Variants in CEP85L observed in about 807,000 individuals in gnomAD.
CEP85L encodes the protein centrosomal protein of 85 kDa-like.
In CEP85L, 60 loss-of-function variants were observed where a neutral mutation model predicts 100.3. That is an observed-to-expected ratio of 0.60 (90% CI 0.49 to 0.74). The LOEUF is 0.74. Ranked by LOEUF, CEP85L falls within the 30% of genes least tolerant of loss-of-function variation. The pLI is 0.00. For synonymous variants in CEP85L, 319 were observed against 322.7 expected (o/e 0.99, Z 0.12); for missense variants, 973 against 936.2 (o/e 1.04, Z -0.51).
chr6:118,650,707 G>A (rs535295632), intron 1 of CEP85L, among the ~76,000 whole-genome samples: 2 of 152,300 alleles, frequency 1.3e-5, no homozygotes, highest in East Asian at 3.9e-4. Flanking sequence ...GGCTGCGGGC[G>A]TGGGCACAGC....
intron 1 of CEP85L, among the ~76,000 whole-genome samples, chr6:118,690,921 C>G (rs1162685228): frequency 6.6e-6 from 1 of 151,748 alleles, no homozygotes; most frequent in Non-Finnish European, 1.5e-5. Flanking sequence ...TCACTTGAGC[C>G]TGGGAGGTAG....
At chr6:118,494,541 T>C (rs1267070405) in intron 5 of CEP85L, among the ~76,000 whole-genome samples, 1 of 152,172 alleles carries the variant, frequency 6.6e-6, no homozygotes, top group East Asian at 1.9e-4. Context: ...TGGCCTTCCC[T>C]GTGGAAATAC....
chr6:118,600,298 G>GGGTGGGT (rs1781673677), intron 2 of CEP85L, among the ~76,000 whole-genome samples: 2 of 59,152 alleles, frequency 3.4e-5, no homozygotes, highest in African/African-American at 1.2e-4. Context: ...AGCCTTCCTG[G>GGGTGGGT]GGGTGTGTGT....
At chr6:118,637,703 CAAAAAAAAAA>C (rs11388747) in intron 1 of CEP85L, among the ~76,000 whole-genome samples, 1 of 45,424 alleles carries the variant, frequency 2.2e-5, no homozygotes, top group South Asian at 1.2e-3. Flanking sequence ...AAGACTGTCT[CAAAAAAAAAA>C]AAAAAAAAAA....
chr6:118,594,230 T>C (rs1781345780), intron 2 of CEP85L, among the ~76,000 whole-genome samples: 1 of 152,236 alleles, frequency 6.6e-6, no homozygotes, highest in Non-Finnish European at 1.5e-5. Flanking sequence ...TCCTTATCTT[T>C]ATAAGGCTTT....
Position 118,651,356 on chromosome 6 carries a change from G to T in CEP85L, c.-87C>A, listed in dbSNP as rs1414488447. The T allele has an allele frequency of 1.4e-6, 2 of 1,381,718 alleles. No individual in the cohort carries two copies. The highest frequency in any genetic ancestry group is 1.9e-6 in the Non-Finnish European group (2 of 1,069,032). The allele number at this position is 1,381,718 out of a possible 1,614,324, so 85.6% of individuals were successfully genotyped here. On this transcript the variant is annotated 5_prime_UTR_variant, in exon 1 of 13. Transcript: ENST00000368491. Reference sequence around the variant, plus strand: ...CTTCGGCGGCGGAAACTTGCGCGGAGCGTGGGCCTCGGCGACACGGGCAGG... The same window carrying T: ...CTTCGGCGGCGGAAACTTGCGCGGATCGTGGGCCTCGGCGACACGGGCAGG...
At chr6:118,539,620 G>C (rs1401606663) in intron 3 of CEP85L, among the ~76,000 whole-genome samples, 1 of 151,880 alleles carries the variant, frequency 6.6e-6, no homozygotes, top group East Asian at 1.9e-4. Context: ...TAAGTTCCGG[G>C]ATACATGTGA....
intron 2 of CEP85L, among the ~76,000 whole-genome samples, chr6:118,606,323 G>A (rs149017129): frequency 6.6e-6 from 1 of 152,260 alleles, no homozygotes; most frequent in Non-Finnish European, 1.5e-5. Flanking sequence ...GACAGTCCAC[G>A]GAGGAGAAGA....
At chr6:118,542,910 A>AAC (rs1348304526) in intron 3 of CEP85L, among the ~76,000 whole-genome samples, 34 of 146,742 alleles carry the variant, frequency 2.3e-4, no homozygotes, top group Middle Eastern at 3.4e-3. Context: ...CAAAAAAAAA[A>AAC]AAAAAAAAAA....
chr6:118,570,643 C>G (rs1779834959), intron 2 of CEP85L, among the ~76,000 whole-genome samples: 2 of 152,156 alleles, frequency 1.3e-5, no homozygotes, highest in Admixed American at 6.5e-5. Context: ...TGCCTGAGAG[C>G]TGGTGCCCTA....
At chr6:118,561,080 C>T (rs908469658) in intron 3 of CEP85L, among the ~76,000 whole-genome samples, 4 of 152,086 alleles carry the variant, frequency 2.6e-5, no homozygotes, top group African/African-American at 7.2e-5. Context: ...ATTTTCTGAA[C>T]CCATGAGAGA....
At chr6:118,612,713 A>C (rs1029892923) in intron 2 of CEP85L, among the ~76,000 whole-genome samples, 3 of 146,994 alleles carry the variant, frequency 2.0e-5, no homozygotes, top group African/African-American at 7.6e-5. Flanking sequence ...TCAGTAATCT[A>C]ATCTGCTAAC....
intron 2 of CEP85L, among the ~76,000 whole-genome samples, chr6:118,575,433 T>G (rs1358129914): frequency 6.6e-6 from 1 of 152,200 alleles, no homozygotes; most frequent in Admixed American, 6.5e-5. Flanking sequence ...AAGTCCTGTT[T>G]CCCAGGAGGA....
At chr6:118,685,460 T>C (rs1007071042) in intron 1 of CEP85L, among the ~76,000 whole-genome samples, 4 of 152,210 alleles carry the variant, frequency 2.6e-5, no homozygotes, top group Admixed American at 6.5e-5. Context: ...AATAAAATAC[T>C]TTTTGTAATC....
rs1562297733 is a variant in CEP85L at position 118,600,300 on chromosome 6, G to GGGGGTGTGT, written c.232+32152_232+32153insACACACCCC. Among the ~76,000 whole-genome samples the GGGGGTGTGT allele has an allele frequency of 1.1e-3, 60 of 52,242 alleles. 9 individuals carry two copies. Among genetic ancestry groups the GGGGGTGTGT allele is most frequent in the Admixed American group, 3.3e-3 (16 of 4,838 alleles). 34.3% of individuals were successfully genotyped at this position (52,242 alleles called of 152,430 possible). ...CTGCCTGTCCCTGAGCCTTCCTGGG[G>GGGGGTGTGT]GTGTGTGTGTGTGTGTGTGTGTGTG... On this transcript the variant is annotated intron_variant, in intron 2 of 12. Coordinates refer to ENST00000368491, the MANE Select transcript of CEP85L (RefSeq NM_001042475.3).
intron 2 of CEP85L, among the ~76,000 whole-genome samples, chr6:118,574,465 T>C (rs1440923621): frequency 6.6e-6 from 1 of 152,198 alleles, no homozygotes; most frequent in Non-Finnish European, 1.5e-5. Flanking sequence ...TGAGAAAACG[T>C]TTTGCCTGAG....
chr6:118,594,761 CAGG>C (rs1781373766), intron 2 of CEP85L, among the ~76,000 whole-genome samples: 1 of 149,114 alleles, frequency 6.7e-6, no homozygotes, highest in Admixed American at 6.8e-5. Flanking sequence ...TAGGCTGAGG[CAGG>C]AGAATGGCGT....
Position 118,479,911 on chromosome 6 carries a change from C to T in CEP85L, c.1874G>A (p.Ser625Asn), listed in dbSNP as rs1300106843. 5 of 1,486,340 alleles carry T rather than the reference C, an allele frequency of 3.4e-6. No homozygotes were observed. Among genetic ancestry groups the T allele is most frequent in the Admixed American group, 4.0e-5 (2 of 50,570 alleles). The allele number at this position is 1,486,340 out of a possible 1,614,324, so 92.1% of individuals were successfully genotyped here. Residue 625 changes from serine (S) to asparagine (N), a missense_variant, in exon 10 of 13, where the codon AGC (serine) becomes AAC (asparagine). Coordinates refer to ENST00000368491, the MANE Select transcript of CEP85L (RefSeq NM_001042475.3). ...QNETASKIID[S>N]QQDEIDRMIL... Reference sequence around the variant, plus strand: ...CATTCTGTCAATCTCATCTTGTTGGCTGTCTATTATCTAAAACAAAATAAA... The same window carrying T: ...CATTCTGTCAATCTCATCTTGTTGGTTGTCTATTATCTAAAACAAAATAAA...
intron 2 of CEP85L, among the ~76,000 whole-genome samples, chr6:118,578,204 T>C (rs1387724110): frequency 6.6e-6 from 1 of 152,146 alleles, no homozygotes; most frequent in Non-Finnish European, 1.5e-5. Flanking sequence ...AACCTCTTAC[T>C]CCGTAAACAT....
Sources: allele counts gnomAD v4.1 joint callset (sites outside exome capture counted in the v4.1 genomes callset), GRCh38; gene constraint gnomAD v4.1.1; transcripts MANE v1.5; gene names NCBI Gene and HGNC (gene_info 2026-07-23, HGNC 2026-07-21).